DPYD: variants seen among roughly 807,000 people sequenced by gnomAD.
The protein encoded by DPYD is dihydropyrimidine dehydrogenase [NADP(+)].
Under a neutral mutation model 116.2 loss-of-function variants are expected in DPYD, and 109 were observed. The ratio of observed to expected loss-of-function variants is 0.94; its 90% CI spans 0.80 to 1.10. The LOEUF is 1.10. DPYD is among the 50% of genes least tolerant of loss of function. The pLI is 0.00. For missense variants in DPYD, 1,302 were observed against 1,254.5 expected (o/e 1.04, Z -0.57); for synonymous variants, 440 against 432.0 (o/e 1.02, Z -0.23).
chr1:97,665,930 G>A lies in DPYD; in HGVS notation c.850+13165C>T, dbSNP rs181627123. On this transcript the variant is annotated intron_variant, in intron 8 of 22. Coordinates refer to ENST00000370192, the MANE Select transcript of DPYD (RefSeq NM_000110.4). ...GGTGCTAATTGTTAGAATTCATCAT[G>A]AAGAATCCAGAGGCAGAACAATAAA... 4.1e-3 allele frequency among the ~76,000 whole-genome samples: 619 copies of A among 152,254 alleles called. 6 individuals are homozygous for A. Among genetic ancestry groups the A allele is most frequent in the African/African-American group, 0.014 (595 of 41,530 alleles).
intron 8 of DPYD, among the ~76,000 whole-genome samples, chr1:97,603,247 C>T (rs1055997028): frequency 9.2e-5 from 14 of 151,650 alleles, no homozygotes; most frequent in Middle Eastern, 3.2e-3. Flanking sequence ...TACACTATAT[C>T]CCAAAGTAAA....
At chr1:97,846,413 T>C (rs1375919621) in intron 2 of DPYD, among the ~76,000 whole-genome samples, 2 of 152,236 alleles carry the variant, frequency 1.3e-5, no homozygotes, top group East Asian at 3.8e-4. Flanking sequence ...TCTTGCAACA[T>C]CTGATTTATA....
Position 97,486,201 on chromosome 1 carries a change from G to A in DPYD, c.1740+29525C>T, listed in dbSNP as rs575193879. On this transcript the variant is annotated intron_variant, in intron 13 of 22. Transcript: ENST00000370192. ...AATGCTTGTTTTTGAAATTTATAAA[G>A]TTCATGGATAACAGTTCAGTTGTGA... Among the ~76,000 whole-genome samples the A allele has an allele frequency of 2.0e-5, 3 of 152,246 alleles. No individual in the cohort carries two copies. The East Asian group carries it at 5.8e-4, about 29-fold the overall frequency.
At chr1:97,326,651 G>T (rs531125977) in intron 16 of DPYD, among the ~76,000 whole-genome samples, 56 of 152,032 alleles carry the variant, frequency 3.7e-4, no homozygotes, top group African/African-American at 1.3e-3. Flanking sequence ...AAATTAGGTA[G>T]AATGAAGACT....
chr1:97,338,564 G>A (rs1306325734), intron 16 of DPYD, among the ~76,000 whole-genome samples: 1 of 152,146 alleles, frequency 6.6e-6, no homozygotes, highest in Non-Finnish European at 1.5e-5. Flanking sequence ...TGCCTCATGC[G>A]GCTGGTAGGC....
chr1:97,718,139 T>G (rs1662717451), intron 5 of DPYD, among the ~76,000 whole-genome samples: 1 of 152,064 alleles, frequency 6.6e-6, no homozygotes, highest in Non-Finnish European at 1.5e-5. Flanking sequence ...TATTATTTTT[T>G]GATTTTTAAA....
chr1:97,266,604 T>C (rs527628808), intron 18 of DPYD, among the ~76,000 whole-genome samples: 18 of 152,292 alleles, frequency 1.2e-4, no homozygotes, highest in Middle Eastern at 3.4e-3. Context: ...TAGGTATACA[T>C]GTGCCATGTT....
intron 16 of DPYD, among the ~76,000 whole-genome samples, chr1:97,324,057 G>A (rs34528376): frequency 0.022 from 3,415 of 152,056 alleles, 93 homozygotes; most frequent in African/African-American, 0.066. Context: ...AGCATCTCCT[G>A]ACAGTATCCC....
rs150869911 is a variant in DPYD, at chr1:97,629,740, C to T, written c.851-34574G>A. ...AATGCTAGAAATCTTTGCCATATAT[C>T]AATATATTCAGCAAATTCTACGAGT... On this transcript the variant is annotated intron_variant, in intron 8 of 22. Coordinates refer to ENST00000370192, the MANE Select transcript of DPYD (RefSeq NM_000110.4). Among the ~76,000 whole-genome samples the T allele has an allele frequency of 8.7e-3, 1,324 of 151,940 alleles. 22 individuals are homozygous for T. The highest frequency in any genetic ancestry group is 0.029 in the African/African-American group (1,223 of 41,460).
At chr1:97,850,303 T>C (rs1372518169) in intron 2 of DPYD, among the ~76,000 whole-genome samples, 2 of 152,224 alleles carry the variant, frequency 1.3e-5, no homozygotes, top group East Asian at 1.9e-4. Context: ...TTTGTACCTT[T>C]CTTGCAAATG....
chr1:97,475,974 G>A (rs1319377441), intron 13 of DPYD, among the ~76,000 whole-genome samples: 1 of 152,174 alleles, frequency 6.6e-6, no homozygotes, highest in African/African-American at 2.4e-5. Flanking sequence ...AGGAGATACA[G>A]TTACATCAGA....
At chr1:97,731,175 A>T (rs536504341) in intron 4 of DPYD, among the ~76,000 whole-genome samples, 1 of 152,276 alleles carries the variant, frequency 6.6e-6, no homozygotes, top group East Asian at 1.9e-4. Flanking sequence ...TATACAAAAA[A>T]GTCAGACTAT....
Position 97,897,561 on chromosome 1 carries a change from TTCTC to T in DPYD, c.40-14191_40-14188del, listed in dbSNP as rs879402997. Among the ~76,000 whole-genome samples the T allele has an allele frequency of 2.6e-5, 4 of 151,912 alleles. No homozygotes were observed. The South Asian group carries it at 8.3e-4, about 31-fold the overall frequency. On this transcript the variant is annotated intron_variant, in intron 1 of 22. Coordinates refer to ENST00000370192, the MANE Select transcript of DPYD (RefSeq NM_000110.4). Reference sequence around the variant, plus strand: ...GCTCACTGATAGTCTTTTCATTTTTTTCTCTCTCTGTGTTTCATTTTAGAGTTTT... The same window carrying T: ...GCTCACTGATAGTCTTTTCATTTTTTTCTCTGTGTTTCATTTTAGAGTTTT...
At chr1:97,125,009 G>T (rs1318023451) in intron 20 of DPYD, among the ~76,000 whole-genome samples, 2 of 152,040 alleles carry the variant, frequency 1.3e-5, no homozygotes, top group East Asian at 3.8e-4. Context: ...CAGTAAAACT[G>T]CAACTTCAAA....
intron 16 of DPYD, among the ~76,000 whole-genome samples, chr1:97,333,316 G>A (rs1287878652): frequency 6.6e-6 from 1 of 151,972 alleles, no homozygotes; most frequent in African/African-American, 2.4e-5. Context: ...GTGGTGGTCT[G>A]TAGTCAGAGC....
At chr1:97,904,893 A>C (rs1011237817) in intron 1 of DPYD, among the ~76,000 whole-genome samples, 3 of 151,936 alleles carry the variant, frequency 2.0e-5, no homozygotes, top group African/African-American at 7.2e-5. Flanking sequence ...TATCAATCCA[A>C]ATCAGTTGCC....
At chr1:97,235,830 G>GA (rs901021302) in intron 18 of DPYD, among the ~76,000 whole-genome samples, 2 of 151,052 alleles carry the variant, frequency 1.3e-5, no homozygotes, top group African/African-American at 4.9e-5. Context: ...CCCACAATTT[G>GA]AAAAAAAATA....
At chr1:97,792,405 C>G (rs1057189931) in intron 3 of DPYD, among the ~76,000 whole-genome samples, 4 of 152,110 alleles carry the variant, frequency 2.6e-5, no homozygotes, top group African/African-American at 9.6e-5. Flanking sequence ...GCAGCCAACA[C>G]ACCCAGCTAA....
chr1:97,236,348 A>G (rs184827591), intron 18 of DPYD, among the ~76,000 whole-genome samples: 208 of 152,276 alleles, frequency 1.4e-3, no homozygotes, highest in African/African-American at 4.7e-3. Context: ...ACTCTGAGGT[A>G]GCACACACAG....
Sources: gnomAD v4.1 joint callset for allele counts (sites outside exome capture counted in the v4.1 genomes callset) on GRCh38, gnomAD v4.1.1 for gene constraint, MANE v1.5 for transcripts, NCBI Gene and HGNC (gene_info 2026-07-23, HGNC 2026-07-21) for gene names.